Variants in PBX1 observed in about 807,000 individuals in gnomAD.
PBX1 encodes the protein pre-B-cell leukemia transcription factor 1.
PBX1 carries 6 observed loss-of-function variants against 53.4 expected under a neutral mutation model. That is an observed-to-expected ratio of 0.11 (90% CI 0.06 to 0.22). PBX1 has a LOEUF of 0.22. Ranked by LOEUF, PBX1 falls within the 10% of genes least tolerant of loss-of-function variation. PBX1 has a pLI of 1.00. For missense variants in PBX1, 251 were observed against 551.4 expected (o/e 0.46, Z 5.46); for synonymous variants, 204 against 212.3 (o/e 0.96, Z 0.34).
At chr1:164,682,763 T>C (rs2800801) in intron 2 of PBX1, 131,691 of 152,132 alleles carry the variant, frequency 0.87, 57,721 homozygotes, top group Non-Finnish European at 0.93. Context: ...AACCTGTGGC[T>C]GCTGCCATTG....
chr1:164,808,944 A>G (rs753731104), intron 5 of PBX1, among the ~76,000 whole-genome samples: 15 of 152,178 alleles, frequency 9.9e-5, no homozygotes, highest in Non-Finnish European at 2.2e-4. Flanking sequence ...CGGGAACGTC[A>G]GCGGTCAAAC....
chr1:164,865,189 G>A (rs187140525), intron 2 of PBX1, among the ~76,000 whole-genome samples: 1 of 152,192 alleles, frequency 6.6e-6, no homozygotes, highest in African/African-American at 2.4e-5. Context: ...TGAGATGAGG[G>A]GACTAAGGAG....
intron 8 of PBX1, among the ~76,000 whole-genome samples, chr1:164,822,601 G>A (rs1200913671): frequency 1.3e-5 from 2 of 152,306 alleles, no homozygotes; most frequent in African/African-American, 4.8e-5. Flanking sequence ...CGTTGGTCAA[G>A]TCATACATGA....
At chr1:164,617,137 C>T (rs546358966) in intron 2 of PBX1, among the ~76,000 whole-genome samples, 81 of 152,086 alleles carry the variant, frequency 5.3e-4, no homozygotes, top group African/African-American at 1.9e-3. Context: ...AATTTTTATC[C>T]CCCCTAGAGA....
At chr1:164,568,080 T>C (rs909770550) in intron 2 of PBX1, among the ~76,000 whole-genome samples, 7 of 152,162 alleles carry the variant, frequency 4.6e-5, no homozygotes, top group Non-Finnish European at 1.0e-4. Context: ...TTGACATCCA[T>C]GAACTTTTTG....
At chr1:164,673,465 C>T (rs894706611) in intron 2 of PBX1, among the ~76,000 whole-genome samples, 4 of 109,400 alleles carry the variant, frequency 3.7e-5, no homozygotes, top group Admixed American at 9.9e-5. Context: ...AAATTACTAA[C>T]TTTTTTTTTT....
chr1:164,859,708 C>A (rs1672054068), intron 2 of PBX1, among the ~76,000 whole-genome samples: 1 of 152,184 alleles, frequency 6.6e-6, no homozygotes, highest in African/African-American at 2.4e-5. Flanking sequence ...TGCATTTCTT[C>A]AACAAGCAAG....
intron 2 of PBX1, chr1:164,641,142 C>G (rs1475479689): frequency 7.2e-5 from 11 of 153,124 alleles, no homozygotes; most frequent in Non-Finnish European, 1.5e-5. Context: ...CAGTTGTGTC[C>G]TCTCTGAGCT....
rs113820078 is a variant in PBX1 at position 164,671,183 on chromosome 1, C to CT, written c.265+107885dup. Among the ~76,000 whole-genome samples the CT allele has an allele frequency of 1.8e-3, 263 of 145,576 alleles. 3 individuals are homozygous for CT. The East Asian group carries it at 0.022, about 12-fold the overall frequency. ...GTGTTTTTCAAGTGCTAAGATAGCC[C>CT]TTTTTTTTTTTTTAAAGTCAGAGAA... On this transcript the variant is annotated intron_variant, in intron 2 of 8. Coordinates refer to ENST00000420696, the MANE Select transcript of PBX1 (RefSeq NM_002585.4).
At chr1:164,747,308 G>T (rs1665942320) in intron 2 of PBX1, among the ~76,000 whole-genome samples, 1 of 151,160 alleles carries the variant, frequency 6.6e-6, no homozygotes, top group African/African-American at 2.4e-5. Context: ...ATCTGTATAT[G>T]TATGAATCAT....
intron 2 of PBX1, among the ~76,000 whole-genome samples, chr1:164,714,451 T>C (rs1032643008): frequency 1.3e-5 from 2 of 152,248 alleles, no homozygotes; most frequent in Non-Finnish European, 2.9e-5. Flanking sequence ...GTGTTATAGA[T>C]ACTTAGCAGG....
intron 8 of PBX1, among the ~76,000 whole-genome samples, chr1:164,842,103 G>A (rs1042657601): frequency 2.6e-5 from 4 of 152,182 alleles, no homozygotes; most frequent in Non-Finnish European, 5.9e-5. Flanking sequence ...AGGAGATGGG[G>A]CAGGTGCTTC....
At position 164,806,195 on chromosome 1, in the gene PBX1, C is replaced by T. The variant is rs186793716; in HGVS notation, c.702-1347C>T. On this transcript the variant is annotated intron_variant, in intron 4 of 8. Transcript: ENST00000420696. Reference sequence around the variant, plus strand: ...CAGCCCCTGCATTGAGCCTGCAACTCCCTCAACTATCCACAGGCCTTCATT... The same window carrying T: ...CAGCCCCTGCATTGAGCCTGCAACTTCCTCAACTATCCACAGGCCTTCATT... 4.6e-3 allele frequency among the ~76,000 whole-genome samples: 696 copies of T among 152,302 alleles called. 3 individuals carry two copies. The highest frequency in any genetic ancestry group is 5.9e-3 in the Non-Finnish European group (399 of 68,034).
intron 2 of PBX1, among the ~76,000 whole-genome samples, chr1:164,611,489 C>T (rs1044830356): frequency 4.6e-5 from 7 of 152,084 alleles, no homozygotes; most frequent in African/African-American, 1.4e-4. Flanking sequence ...CCGCCCGCCT[C>T]GGCCTCCCAA....
Position 164,726,818 on chromosome 1 carries a change from T to C in PBX1, c.266-65676T>C, listed in dbSNP as rs1664722964. 2.6e-5 allele frequency among the ~76,000 whole-genome samples: 4 copies of C among 152,184 alleles called. No individual in the cohort carries two copies. In the South Asian group the frequency reaches 8.3e-4, roughly 32 times the overall value. On this transcript the variant is annotated intron_variant, in intron 2 of 8. Transcript: ENST00000420696. ...CACATCTAGGGGATCTAGAGGCCCG[T>C]CTGGAACATCGAGGTTCCAGAGGCA...
At chr1:164,737,274 A>G (rs1370567640) in intron 2 of PBX1, among the ~76,000 whole-genome samples, 1 of 152,208 alleles carries the variant, frequency 6.6e-6, no homozygotes, top group African/African-American at 2.4e-5. Context: ...CTAGAGATGT[A>G]CTGGATAAGT....
rs988096133 is a variant in PBX1 at position 164,618,302 on chromosome 1, G to GA, written c.265+54991_265+54992insA. Among the ~76,000 whole-genome samples the GA allele has an allele frequency of 1.1e-4, 17 of 147,946 alleles. 1 individual carries two copies. The highest frequency in any genetic ancestry group is 5.9e-5 in the Non-Finnish European group (4 of 67,388). ...CCCAGGGAGAATAATCACGGCGGGG[G>GA]GGGGGGGGCACTCAAGATGATCAGC... is the stretch of plus-strand genomic sequence containing the variant. On this transcript the variant is annotated intron_variant, in intron 2 of 8. Coordinates refer to ENST00000420696, the MANE Select transcript of PBX1 (RefSeq NM_002585.4).
At chr1:164,585,501 G>A (rs906501294) in intron 2 of PBX1, among the ~76,000 whole-genome samples, 4 of 152,190 alleles carry the variant, frequency 2.6e-5, no homozygotes, top group Middle Eastern at 3.2e-3. Flanking sequence ...GGTTGGGGTT[G>A]GGGGACAGTG....
rs146539006 is a variant in PBX1, at chr1:164,672,449, C to T, written c.265+109138C>T. On this transcript the variant is annotated intron_variant, in intron 2 of 8. Transcript: ENST00000420696. ...GTGTACTTAGATCTCGATACTGAGA[C>T]GTGACTGTTATGCTGATAAAGGCAA... 1.0e-3 allele frequency among the ~76,000 whole-genome samples: 152 copies of T among 152,276 alleles called. 1 individual carries two copies. Among genetic ancestry groups the T allele is most frequent in the African/African-American group, 3.3e-3 (138 of 41,556 alleles).
Sources: allele counts gnomAD v4.1 joint callset (sites outside exome capture counted in the v4.1 genomes callset), GRCh38; gene constraint gnomAD v4.1.1; transcripts MANE v1.5; gene names NCBI Gene and HGNC (gene_info 2026-07-23, HGNC 2026-07-21).